MIPOL1: variants seen among roughly 807,000 people sequenced by gnomAD.
MIPOL1 encodes the protein mirror-image polydactyly gene 1 protein.
In MIPOL1, 57 loss-of-function variants were observed where a neutral mutation model predicts 60.9. The ratio of observed to expected loss-of-function variants is 0.94; its 90% confidence interval spans 0.76 to 1.17. The LOEUF (loss-of-function observed/expected upper bound fraction) is 1.17, where lower values mean the gene tolerates loss of function less well. Among genes scored for constraint, MIPOL1 ranks in the 50% most tolerant of loss-of-function variants. MIPOL1 has a pLI of 0.00. For synonymous variants in MIPOL1, 179 were observed against 168.8 expected (o/e 1.06, Z -0.47); for missense variants, 551 against 511.6 (o/e 1.08, Z -0.74).
intron 3 of MIPOL1, among the ~76,000 whole-genome samples, chr14:37,254,544 A>G (rs755432561): frequency 1.2e-4 from 18 of 151,596 alleles, no homozygotes; most frequent in African/African-American, 3.9e-4. Flanking sequence ...ATACATCCCT[A>G]CCCCCACAAA....
chr14:37,205,620 C>G (rs957984879), intron 1 of MIPOL1, among the ~76,000 whole-genome samples: 1 of 152,176 alleles, frequency 6.6e-6, no homozygotes, highest in African/African-American at 2.4e-5. Context: ...CCCCCGCCAG[C>G]TCCCCATCCC....
chr14:37,208,244 A>G (rs914324458), intron 1 of MIPOL1, among the ~76,000 whole-genome samples: 2 of 152,158 alleles, frequency 1.3e-5, no homozygotes, highest in Admixed American at 1.3e-4. Flanking sequence ...GTGTGGTTTT[A>G]TAAGTTTCGG....
intron 7 of MIPOL1, among the ~76,000 whole-genome samples, chr14:37,293,514 G>A (rs1057479102): frequency 1.1e-4 from 17 of 152,262 alleles, no homozygotes; most frequent in African/African-American, 1.7e-4. Context: ...GCGAGGCATC[G>A]TGTCACCCGG....
At chr14:37,302,277 T>C (rs973690022) in intron 7 of MIPOL1, among the ~76,000 whole-genome samples, 2 of 148,274 alleles carry the variant, frequency 1.3e-5, no homozygotes, top group African/African-American at 2.5e-5. Context: ...TTTTTTTTTT[T>C]TTTTTCTTGT....
chr14:37,482,196 T>C lies in MIPOL1; in HGVS notation c.1032-17712T>C, dbSNP rs367775581. Among the ~76,000 whole-genome samples the C allele has an allele frequency of 5.1e-3, 770 of 152,166 alleles. 6 individuals carry two copies. Among genetic ancestry groups the C allele is most frequent in the African/African-American group, 0.018 (742 of 41,536 alleles). ...CCATACATCTGATAAAGGGTTAATA[T>C]CCAAAATATGTAAGGCACTCAACTC... On this transcript the variant is annotated intron_variant, in intron 11 of 12. Transcript: ENST00000684589.
intron 11 of MIPOL1, among the ~76,000 whole-genome samples, chr14:37,447,832 G>T (rs1036466228): frequency 2.6e-5 from 4 of 151,930 alleles, no homozygotes; most frequent in Non-Finnish European, 5.9e-5. Flanking sequence ...GATGTAACGT[G>T]ACTTTTATTT....
chr14:37,429,206 TAAC>T (rs1216541574), intron 11 of MIPOL1, among the ~76,000 whole-genome samples: 2 of 152,168 alleles, frequency 1.3e-5, no homozygotes, highest in Non-Finnish European at 2.9e-5. Flanking sequence ...GGCATAATAA[TAAC>T]AAACTCTTTT....
At chr14:37,316,219 C>T (rs947711900) in intron 9 of MIPOL1, among the ~76,000 whole-genome samples, 7 of 151,628 alleles carry the variant, frequency 4.6e-5, no homozygotes, top group African/African-American at 7.3e-5. Flanking sequence ...TTAGTAGAAA[C>T]GGGGTTTCAT....
Position 37,286,821 on chromosome 14 carries a change from C to T in MIPOL1, c.623+1374C>T, listed in dbSNP as rs111750538. ...CATCTAAATTCCACAATGCCTATTCCAAAATAACCATCTTTATCTATAAGG... is the reference window on the plus strand; with the variant it reads ...CATCTAAATTCCACAATGCCTATTCTAAAATAACCATCTTTATCTATAAGG... On this transcript the variant is annotated intron_variant, in intron 7 of 12. Coordinates refer to ENST00000684589, the MANE Select transcript of MIPOL1 (RefSeq NM_001388067.1). Among the ~76,000 whole-genome samples, 698 of 151,954 alleles carry T rather than the reference C, an allele frequency of 4.6e-3. 6 individuals carry two copies. The highest frequency in any genetic ancestry group is 0.015 in the African/African-American group (642 of 41,454).
chr14:37,546,410 G>A (rs1248719400), intron 12 of MIPOL1, among the ~76,000 whole-genome samples: 1 of 152,026 alleles, frequency 6.6e-6, no homozygotes, highest in African/African-American at 2.4e-5. Flanking sequence ...CTGGCTTTAT[G>A]TTTATCAGCT....
chr14:37,368,649 G>A (rs939977775), intron 9 of MIPOL1, among the ~76,000 whole-genome samples: 11 of 151,960 alleles, frequency 7.2e-5, no homozygotes, highest in Non-Finnish European at 1.5e-4. Context: ...CCTCAATGGT[G>A]TGTTTAGTAC....
At chr14:37,414,374 C>T (rs1379450120) in intron 10 of MIPOL1, among the ~76,000 whole-genome samples, 1 of 152,152 alleles carries the variant, frequency 6.6e-6, no homozygotes, top group Admixed American at 6.5e-5. Flanking sequence ...AATTTTACCT[C>T]TTCAATTGTG....
At chr14:37,269,929 G>A (rs1230345148) in intron 5 of MIPOL1, among the ~76,000 whole-genome samples, 1 of 152,086 alleles carries the variant, frequency 6.6e-6, no homozygotes, top group Non-Finnish European at 1.5e-5. Flanking sequence ...CTGGGTTCAA[G>A]CAATTCTCCT....
intron 11 of MIPOL1, among the ~76,000 whole-genome samples, chr14:37,457,519 CACCTT>C (rs2094490594): frequency 6.6e-6 from 1 of 152,154 alleles, no homozygotes; most frequent in Non-Finnish European, 1.5e-5. Context: ...CTCCCTCACT[CACCTT>C]ACTCTACAAG....
intron 7 of MIPOL1, among the ~76,000 whole-genome samples, chr14:37,306,753 A>T (rs1359402444): frequency 4.0e-5 from 6 of 151,804 alleles, no homozygotes; most frequent in Non-Finnish European, 8.9e-5. Flanking sequence ...ATTGAGATGA[A>T]AAGAAGTGTT....
chr14:37,326,510 G>A (rs2089176186), intron 9 of MIPOL1, among the ~76,000 whole-genome samples: 1 of 152,178 alleles, frequency 6.6e-6, no homozygotes, highest in Non-Finnish European at 1.5e-5. Flanking sequence ...TTTCTGTAAT[G>A]GAAATGGTCC....
chr14:37,297,540 G>C (rs1567341396), intron 7 of MIPOL1, among the ~76,000 whole-genome samples: 2 of 152,176 alleles, frequency 1.3e-5, no homozygotes, highest in Non-Finnish European at 2.9e-5. Context: ...TGACATGATT[G>C]TGTATCTAGA....
At chr14:37,436,747 AT>A (rs1279492604) in intron 11 of MIPOL1, among the ~76,000 whole-genome samples, 2 of 152,180 alleles carry the variant, frequency 1.3e-5, no homozygotes, top group Admixed American at 6.5e-5. Context: ...TAACATTGTT[AT>A]TTTGCCATGA....
intron 1 of MIPOL1, among the ~76,000 whole-genome samples, chr14:37,210,738 C>G (rs1220980624): frequency 6.6e-6 from 1 of 152,036 alleles, no homozygotes; most frequent in Non-Finnish European, 1.5e-5. Context: ...AACCTTGTGA[C>G]CTCTGGCCAC....
Sources: gnomAD v4.1 joint callset for allele counts (sites outside exome capture counted in the v4.1 genomes callset) on GRCh38, gnomAD v4.1.1 for gene constraint, MANE v1.5 for transcripts, NCBI Gene and HGNC (gene_info 2026-07-23, HGNC 2026-07-21) for gene names.